Variants in AXDND1 observed in about 807,000 individuals in gnomAD.
AXDND1 encodes axonemal dynein light chain domain-containing protein 1.
A neutral mutation model predicts 137.5 loss-of-function variants in AXDND1; 110 were observed. The ratio of observed to expected loss-of-function variants is 0.80; its 90% CI spans 0.69 to 0.94. The LOEUF is 0.94. Ranked by LOEUF, AXDND1 falls within the 40% of genes least tolerant of loss-of-function variation. The pLI, the probability that AXDND1 is intolerant of heterozygous loss-of-function variation, is 0.00. For synonymous variants in AXDND1, 414 were observed against 399.7 expected (o/e 1.04, Z -0.43); for missense variants, 1,191 against 1,169.8 (o/e 1.02, Z -0.26).
intron 20 of AXDND1, among the ~76,000 whole-genome samples, chr1:179,493,666 T>G (rs1590784): frequency 0.66 from 100,070 of 151,992 alleles, 34,145 homozygotes; most frequent in East Asian, 0.81. Flanking sequence ...AGGGAAATTA[T>G]AGTTAACAAT....
intron 12 of AXDND1, among the ~76,000 whole-genome samples, chr1:179,429,002 C>T (rs1271687098): frequency 2.7e-5 from 4 of 149,628 alleles, no homozygotes; most frequent in Admixed American, 7.3e-5. Flanking sequence ...CAGGTGAAAC[C>T]TCATCTCTAC....
intron 4 of AXDND1, among the ~76,000 whole-genome samples, chr1:179,377,890 CG>C (rs1313987686): frequency 6.6e-6 from 1 of 152,016 alleles, no homozygotes; most frequent in Non-Finnish European, 1.5e-5. Flanking sequence ...AACATGACAG[CG>C]GCCGGGCATG....
intron 21 of AXDND1, among the ~76,000 whole-genome samples, chr1:179,511,234 C>T (rs1669018734): frequency 6.6e-6 from 1 of 151,594 alleles, no homozygotes; most frequent in Non-Finnish European, 1.5e-5. Context: ...CATTCCTCTT[C>T]ATGGCTGAGT....
chr1:179,432,884 C>G (rs1164133786), intron 15 of AXDND1, among the ~76,000 whole-genome samples: 1 of 148,488 alleles, frequency 6.7e-6, no homozygotes, highest in African/African-American at 2.5e-5. Context: ...GCCTGGGCAA[C>G]ACAGCAAGAC....
intron 4 of AXDND1, among the ~76,000 whole-genome samples, chr1:179,375,120 A>G (rs1042790518): frequency 6.6e-5 from 10 of 151,858 alleles, no homozygotes; most frequent in African/African-American, 2.4e-4. Context: ...TTTTTTTAAG[A>G]TGGAATCTTG....
At chr1:179,497,436 G>A (rs542893032) in intron 20 of AXDND1, among the ~76,000 whole-genome samples, 1 of 152,200 alleles carries the variant, frequency 6.6e-6, no homozygotes, top group East Asian at 1.9e-4. Flanking sequence ...CCCAGAAAAA[G>A]CTTTCAATAA....
At chr1:179,447,598 A>T in intron 16 of AXDND1, 1 of 1,115,092 alleles carries the variant, frequency 9.0e-7, no homozygotes, top group Non-Finnish European at 1.3e-6. Context: ...TCAACTTACT[A>T]GTGGAGGTGT....
intron 20 of AXDND1, among the ~76,000 whole-genome samples, chr1:179,505,268 T>C (rs1469845305): frequency 6.6e-6 from 1 of 151,592 alleles, no homozygotes; most frequent in African/African-American, 2.4e-5. Context: ...TAGACTGATA[T>C]TTGGATGACA....
chr1:179,412,562 A>G (rs1400103777), intron 12 of AXDND1, among the ~76,000 whole-genome samples: 1 of 152,084 alleles, frequency 6.6e-6, no homozygotes, highest in Non-Finnish European at 1.5e-5. Flanking sequence ...AATATACTAG[A>G]TAGTGGAATC....
In AXDND1 at chr1:179,495,583, A is replaced by G. The variant is rs557880727; in HGVS notation, c.2388+2632A>G. Among the ~76,000 whole-genome samples the G allele has an allele frequency of 5.1e-4, 77 of 151,600 alleles. 2 individuals are homozygous for G. The South Asian group carries it at 0.015, about 30-fold the overall frequency. On this transcript the variant is annotated intron_variant, in intron 20 of 25. Transcript: ENST00000367618. ...CTTATTCCTTCTAAGAATTTTTTTT[A>G]TTTTGTTTTTTTCAGATTCTTTGGG... is the stretch of plus-strand genomic sequence containing the variant.
rs1266251610 is a variant in AXDND1, at chr1:179,489,899, C to CA, written c.2092-1639_2092-1638insA. Among the ~76,000 whole-genome samples the CA allele has an allele frequency of 7.9e-5, 12 of 151,980 alleles. No homozygotes were observed. The East Asian group carries it at 2.1e-3, about 27-fold the overall frequency. ...AGCTGGGACTATAGGCGCCCACCAC[C>CA]CCGCCCGACTAATTTTTTGTATTTT... On this transcript the variant is annotated intron_variant, in intron 18 of 25. Coordinates refer to ENST00000367618, the MANE Select transcript of AXDND1 (RefSeq NM_144696.6).
chr1:179,525,691 G>T (rs1319405186), intron 22 of AXDND1, among the ~76,000 whole-genome samples: 1 of 151,912 alleles, frequency 6.6e-6, no homozygotes, highest in Admixed American at 6.6e-5. Context: ...ATAGAGATGG[G>T]ATCTTGCTAT....
rs1664370296 is a variant in AXDND1, at chr1:179,474,556, A to G, written c.1997+5915A>G. 2.0e-5 allele frequency among the ~76,000 whole-genome samples: 3 copies of G among 152,200 alleles called. No homozygotes were observed. In the South Asian group the frequency reaches 6.2e-4, roughly 31 times the overall value. ...AACTGGAATAAAAGTCACCCTTGCTATGCTTTAGTAAAGAGACTGGTGGCA... is the reference window on the plus strand; with the variant it reads ...AACTGGAATAAAAGTCACCCTTGCTGTGCTTTAGTAAAGAGACTGGTGGCA... On this transcript the variant is annotated intron_variant, in intron 17 of 25. Coordinates refer to ENST00000367618, the MANE Select transcript of AXDND1 (RefSeq NM_144696.6).
chr1:179,366,438 CT>C lies in AXDND1; in HGVS notation c.-71del. Reference sequence around the variant, plus strand: ...GCAGCCTGCAAGTCCCAGTGCGGCGCTGATTTGTGTCTAAATTAGCTTTCCG... The same window carrying C: ...GCAGCCTGCAAGTCCCAGTGCGGCGCGATTTGTGTCTAAATTAGCTTTCCG... On this transcript the variant is annotated 5_prime_UTR_variant, in exon 2 of 26. The change abolishes the stop of an existing upstream ORF in the 5' untranslated region. Transcript: ENST00000367618. 1 of 1,263,364 alleles carries C rather than the reference CT, an allele frequency of 7.9e-7. No homozygotes were observed. Among genetic ancestry groups the C allele is most frequent in the Non-Finnish European group, 1.2e-6 (1 of 867,720 alleles). The allele number at this position is 1,263,364 out of a possible 1,614,324, so 78.3% of individuals were successfully genotyped here. A position where few individuals can be genotyped will look rare whatever the true frequency, so the allele number is the denominator to read the frequency against.
chr1:179,479,420 A>G (rs1665052928), intron 17 of AXDND1, among the ~76,000 whole-genome samples: 1 of 146,674 alleles, frequency 6.8e-6, no homozygotes, highest in Non-Finnish European at 1.5e-5. Flanking sequence ...GATTGTGGTG[A>G]GCTGAGACTA....
intron 18 of AXDND1, among the ~76,000 whole-genome samples, chr1:179,489,906 G>A (rs1558259510): frequency 6.6e-6 from 1 of 151,904 alleles, no homozygotes; most frequent in Non-Finnish European, 1.5e-5. Flanking sequence ...CACCCCGCCC[G>A]ACTAATTTTT....
intron 11 of AXDND1, among the ~76,000 whole-genome samples, chr1:179,400,262 T>C (rs1246565871): frequency 6.6e-6 from 1 of 152,146 alleles, no homozygotes; most frequent in Non-Finnish European, 1.5e-5. Context: ...AGGAATGAAT[T>C]AATGGCATTT....
intron 12 of AXDND1, among the ~76,000 whole-genome samples, chr1:179,413,276 G>A (rs7545701): frequency 3.3e-5 from 5 of 151,894 alleles, no homozygotes; most frequent in South Asian, 2.1e-4. Context: ...TCAGGGGTAC[G>A]TGTGCAGGAT....
intron 21 of AXDND1, among the ~76,000 whole-genome samples, chr1:179,517,418 T>C (rs116728469): frequency 0.032 from 4,921 of 152,324 alleles, 289 homozygotes; most frequent in African/African-American, 0.11. Flanking sequence ...TTCTTCCCCC[T>C]GTGGAGTCTG....
Sources: allele counts gnomAD v4.1 joint callset (sites outside exome capture counted in the v4.1 genomes callset), GRCh38; gene constraint gnomAD v4.1.1; transcripts MANE v1.5; gene names NCBI Gene and HGNC (gene_info 2026-07-23, HGNC 2026-07-21).